Variants in MACROD2 observed in about 807,000 individuals in gnomAD.
The protein encoded by MACROD2 is ADP-ribose glycohydrolase MACROD2.
A neutral mutation model predicts 70.4 loss-of-function variants in MACROD2; 36 were observed. That is an observed-to-expected ratio of 0.51 (90% confidence interval 0.39 to 0.68). MACROD2 has a LOEUF of 0.68. Among genes scored for constraint, MACROD2 ranks in the 30% least tolerant of loss-of-function variants. The pLI, the probability that MACROD2 is intolerant of heterozygous loss-of-function variation, is 0.00. For missense variants in MACROD2, 496 were observed against 538.4 expected (o/e 0.92, Z 0.78); for synonymous variants, 172 against 178.8 (o/e 0.96, Z 0.30).
rs372180129 is a variant in MACROD2 at position 15,780,877 on chromosome 20, G to A, written c.646-81868G>A. Among the ~76,000 whole-genome samples the A allele has an allele frequency of 4.6e-5, 7 of 152,196 alleles. 1 individual carries two copies. The highest frequency in any genetic ancestry group is 1.7e-4 in the African/African-American group (7 of 41,540). On this transcript the variant is annotated intron_variant, in intron 8 of 17. Coordinates refer to ENST00000684519, the MANE Select transcript of MACROD2 (RefSeq NM_001351661.2). ...AATGCCCTCCTGGTTTCTGCTCTGA[G>A]TGTGTGGGTAGATGGTGACATTATT...
At chr20:15,238,039 A>G (rs2077029478) in intron 6 of MACROD2, among the ~76,000 whole-genome samples, 1 of 152,156 alleles carries the variant, frequency 6.6e-6, no homozygotes, top group Non-Finnish European at 1.5e-5. Flanking sequence ...AATATTGATA[A>G]ATGTCATTTC....
At chr20:15,584,635 G>A (rs2048571435) in intron 8 of MACROD2, among the ~76,000 whole-genome samples, 1 of 152,186 alleles carries the variant, frequency 6.6e-6, no homozygotes, top group South Asian at 2.1e-4. Flanking sequence ...AATGAACAGC[G>A]TCACATCAGA....
At chr20:15,562,980 A>G (rs1324776042) in intron 8 of MACROD2, among the ~76,000 whole-genome samples, 1 of 152,220 alleles carries the variant, frequency 6.6e-6, no homozygotes, top group African/African-American at 2.4e-5. Flanking sequence ...AGCAGAATAC[A>G]AAGTTATATA....
chr20:15,755,756 T>G (rs992844262), intron 8 of MACROD2, among the ~76,000 whole-genome samples: 3 of 152,192 alleles, frequency 2.0e-5, no homozygotes, highest in South Asian at 2.1e-4. Context: ...TGCTGTGGCA[T>G]GAAAGCCCTT....
chr20:16,037,328 T>C (rs1357194228), intron 15 of MACROD2, among the ~76,000 whole-genome samples: 1 of 152,000 alleles, frequency 6.6e-6, no homozygotes, highest in African/African-American at 2.4e-5. Flanking sequence ...AGATAGAAAG[T>C]TCTCTGTGAT....
At chr20:14,496,636 G>A (rs1438913687) in intron 4 of MACROD2, among the ~76,000 whole-genome samples, 2 of 151,946 alleles carry the variant, frequency 1.3e-5, no homozygotes, top group African/African-American at 4.8e-5. Flanking sequence ...AGTGAGCATA[G>A]GTGATGTGAT....
chr20:15,177,597 G>T (rs2145897654), intron 5 of MACROD2, among the ~76,000 whole-genome samples: 1 of 152,148 alleles, frequency 6.6e-6, no homozygotes, highest in South Asian at 2.1e-4. Context: ...CATTTTTTCT[G>T]TTTTCCCAGT....
At chr20:15,830,321 A>G (rs2064041588) in intron 8 of MACROD2, among the ~76,000 whole-genome samples, 2 of 152,138 alleles carry the variant, frequency 1.3e-5, no homozygotes, top group Admixed American at 6.5e-5. Flanking sequence ...GTAAGTGAAA[A>G]CCTTTTAAAT....
chr20:15,779,579 T>C (rs1329972653), intron 8 of MACROD2, among the ~76,000 whole-genome samples: 2 of 152,172 alleles, frequency 1.3e-5, no homozygotes, highest in African/African-American at 4.8e-5. Flanking sequence ...ACTTACTGGC[T>C]GGTCAAAAAA....
chr20:14,464,370 C>A (rs1049879539), intron 3 of MACROD2, among the ~76,000 whole-genome samples: 60 of 152,106 alleles, frequency 3.9e-4, no homozygotes, highest in African/African-American at 1.4e-3. Context: ...TCTGTGGGAT[C>A]AGTGGTGATA....
intron 15 of MACROD2, among the ~76,000 whole-genome samples, chr20:16,039,653 A>C (rs1170640977): frequency 6.6e-6 from 1 of 151,992 alleles, no homozygotes; most frequent in East Asian, 1.9e-4. Context: ...GGGAGTTCAC[A>C]AATGGTTTCT....
chr20:14,434,209 G>A (rs190073700), intron 3 of MACROD2, among the ~76,000 whole-genome samples: 4 of 152,200 alleles, frequency 2.6e-5, no homozygotes, highest in East Asian at 3.9e-4. Context: ...TCTATTTGAC[G>A]TTACTTGTAA....
At chr20:15,076,977 A>T (rs1294860506) in intron 5 of MACROD2, among the ~76,000 whole-genome samples, 1 of 152,178 alleles carries the variant, frequency 6.6e-6, no homozygotes, top group Non-Finnish European at 1.5e-5. Context: ...AAAGTGCTTT[A>T]TAGGTTTTGG....
At chr20:15,852,385 T>A (rs888640244) in intron 8 of MACROD2, among the ~76,000 whole-genome samples, 1 of 152,218 alleles carries the variant, frequency 6.6e-6, no homozygotes, top group Non-Finnish European at 1.5e-5. Context: ...AAATAAAGGA[T>A]CCTTTTTATG....
At chr20:15,212,502 T>G (rs1003212801) in intron 5 of MACROD2, among the ~76,000 whole-genome samples, 1 of 152,292 alleles carries the variant, frequency 6.6e-6, no homozygotes, top group Non-Finnish European at 1.5e-5. Flanking sequence ...TTTGGACAAG[T>G]TTTGCTTCCA....
At chr20:14,800,034 G>A (rs974704625) in intron 5 of MACROD2, among the ~76,000 whole-genome samples, 1 of 152,000 alleles carries the variant, frequency 6.6e-6, no homozygotes, top group Non-Finnish European at 1.5e-5. Flanking sequence ...CAGTCAAGCT[G>A]ACAGTTCAGA....
At chr20:14,599,280 G>A (rs1199090827) in intron 4 of MACROD2, among the ~76,000 whole-genome samples, 2 of 152,114 alleles carry the variant, frequency 1.3e-5, no homozygotes, top group African/African-American at 2.4e-5. Flanking sequence ...AAAATGCATG[G>A]TAAGTACTGT....
intron 5 of MACROD2, among the ~76,000 whole-genome samples, chr20:15,139,700 G>A (rs2076177454): frequency 6.6e-6 from 1 of 152,192 alleles, no homozygotes; most frequent in South Asian, 2.1e-4. Context: ...TATTAGTGCT[G>A]TATGTTCAGG....
chr20:14,524,756 AT>A (rs1168844579), intron 4 of MACROD2, among the ~76,000 whole-genome samples: 1 of 152,060 alleles, frequency 6.6e-6, no homozygotes, highest in Non-Finnish European at 1.5e-5. Flanking sequence ...ACCTTCACTG[AT>A]GCTCCTCAAG....
Sources: allele counts gnomAD v4.1 joint callset (sites outside exome capture counted in the v4.1 genomes callset), GRCh38; gene constraint gnomAD v4.1.1; transcripts MANE v1.5; gene names NCBI Gene and HGNC (gene_info 2026-07-23, HGNC 2026-07-21).